The following LGALS9C variants were observed in gnomAD, a reference collection of about 807,000 sequenced individuals.
LGALS9C encodes the protein galectin-9C.
A neutral mutation model predicts 41.3 loss-of-function variants in LGALS9C; 7 were observed. That is an observed-to-expected ratio of 0.17 (90% CI 0.10 to 0.32). The LOEUF is 0.32. Ranked by LOEUF, LGALS9C falls within the 10% of genes least tolerant of loss-of-function variation. LGALS9C has a pLI of 1.00. For missense variants in LGALS9C, 102 were observed against 455.2 expected, an observed-to-expected ratio of 0.22 and a Z score of 7.06; for synonymous variants, 44 against 171.0, an observed-to-expected ratio of 0.26 and a Z score of 5.80.
In LGALS9C at chr17:18,483,946, T is replaced by C; in HGVS notation, c.111T>C (p.Val37=). The C allele has an allele frequency of 1.5e-6, 2 of 1,367,672 alleles. No homozygotes were observed. 84.7% of individuals were successfully genotyped at this position (1,367,672 alleles called of 1,614,324 possible). A position where few individuals can be genotyped will look rare whatever the true frequency, so the allele number is the denominator to read the frequency against. The change falls in exon 2 of 11, where the codon GTT becomes GTC. Residue 37 remains valine, a synonymous_variant. Transcript: ENST00000328114. ...TTCAGATCACTGTCAATGGGGCCGT[T>C]CTCAGCTGCAGTGGAACCAGGTGTG... ...DGFQITVNGA[V]LSCSGTRFAV...
intron 10 of LGALS9C, among the ~76,000 whole-genome samples, chr17:18,493,092 G>A (rs1176764108): frequency 8.2e-6 from 1 of 121,482 alleles, no homozygotes; most frequent in Non-Finnish European, 2.0e-5. Flanking sequence ...ACAAGTGCAG[G>A]TTACTTGCTT....
In LGALS9C at chr17:18,486,129, T is replaced by C; in HGVS notation, c.327T>C (p.Asp109=). ...FDLCFLVQSS[D]FKVMVNGSLF... Reference sequence around the variant, plus strand: ...TCTGCTTCCTGGTGCAGAGCTCAGATTTCAAGGTAAGCAGGAATCCCCTCC... The same window carrying C: ...TCTGCTTCCTGGTGCAGAGCTCAGACTTCAAGGTAAGCAGGAATCCCCTCC... The change falls in exon 3 of 11, where the codon GAT becomes GAC. Residue 109 remains aspartate (D), a synonymous_variant. Transcript: ENST00000328114. 1 of 1,253,086 alleles carries C rather than the reference T, an allele frequency of 8.0e-7. No homozygotes were observed. The allele number at this position is 1,253,086 out of a possible 1,614,324, so 77.6% of individuals were successfully genotyped here. A position where few individuals can be genotyped will look rare whatever the true frequency, so the allele number is the denominator to read the frequency against.
intron 1 of LGALS9C, among the ~76,000 whole-genome samples, chr17:18,483,351 T>G (rs1989464264): frequency 1.5e-5 from 2 of 131,614 alleles, no homozygotes; most frequent in African/African-American, 5.1e-5. Context: ...GGTGCATGCC[T>G]TCTTCTTGAC....
At chr17:18,482,424 G>C (rs1412975740) in intron 1 of LGALS9C, among the ~76,000 whole-genome samples, 2 of 122,678 alleles carry the variant, frequency 1.6e-5, no homozygotes, top group Non-Finnish European at 3.8e-5. Flanking sequence ...TGGGATTATA[G>C]ATGTGAGCCA....
chr17:18,492,826 A>G lies in LGALS9C; in HGVS notation c.891A>G (p.Arg297=). 1 of 1,506,838 alleles carries G rather than the reference A, an allele frequency of 6.6e-7. No homozygotes were observed. Among genetic ancestry groups the G allele is most frequent in the East Asian group, 2.2e-5 (1 of 44,628 alleles). The allele number at this position is 1,506,838 out of a possible 1,614,324, so 93.3% of individuals were successfully genotyped here. A position where few individuals can be genotyped will look rare whatever the true frequency, so the allele number is the denominator to read the frequency against. The change falls in exon 10 of 11, where the codon CGA becomes CGG. Residue 297 remains arginine, a synonymous_variant. Coordinates refer to ENST00000328114, the MANE Select transcript of LGALS9C (RefSeq NM_001040078.3). ...SWGSEERSLP[R]KMPFVRGQSF... ...GGTCTGAGGAGCGAAGTCTGCCCCG[A>G]AAAATGCCCTTCGTCCGAGGCCAGA...
chr17:18,477,199 AGCAT>A (rs1372064208), intron 1 of LGALS9C, among the ~76,000 whole-genome samples: 39 of 131,696 alleles, frequency 3.0e-4, no homozygotes, highest in African/African-American at 9.7e-4. Flanking sequence ...AGAGGAAGCA[AGCAT>A]GCTTCTGGGA....
rs1483130523 is a variant in LGALS9C, at chr17:18,479,442, C to T, written c.39+2549C>T. Among the ~76,000 whole-genome samples, 60 of 129,592 alleles carry T rather than the reference C, an allele frequency of 4.6e-4. 4 individuals carry two copies. The highest frequency in any genetic ancestry group is 1.4e-3 in the African/African-American group (54 of 39,710). 85.0% of individuals were successfully genotyped at this position (129,592 alleles called of 152,430 possible). On this transcript the variant is annotated intron_variant, in intron 1 of 10. Coordinates refer to ENST00000328114, the MANE Select transcript of LGALS9C (RefSeq NM_001040078.3). ...CCACCCAGTCCTCTCCAGAATGCTG[C>T]CAGCCAGGGACTCAGCACACAGCAT...
Position 18,486,050 on chromosome 17 carries a change from G to C in LGALS9C, c.248G>C (p.Gly83Ala), listed in dbSNP as rs78121685. The change falls in exon 3 of 11, where the codon GGG becomes GCG. Residue 83 changes from glycine to alanine, a missense_variant. Transcript: ENST00000328114. ...AACACGAGGCAGAAAGGAACATGGG[G>C]GCCCGAGGAGAGGAAGATGCACATG... ...VCNTRQKGTW[G>A]PEERKMHMPF... is the part of the protein sequence containing the mutation. 376 of 1,279,014 alleles carry C rather than the reference G, an allele frequency of 2.9e-4. 55 individuals are homozygous for C. The East Asian group carries it at 4.9e-3, about 17-fold the overall frequency. The allele number at this position is 1,279,014 out of a possible 1,614,324, so 79.2% of individuals were successfully genotyped here.
intron 2 of LGALS9C, chr17:18,484,208 A>G (rs1809523): frequency 0.13 from 46,290 of 356,912 alleles, 155 homozygotes; most frequent in African/African-American, 0.29. Context: ...GGTCTAAGGA[A>G]GGAGTGGGAT....
chr17:18,494,430 C>G lies in LGALS9C; in HGVS notation c.*63C>G. 1.3e-6 allele frequency: 2 copies of G among 1,527,868 alleles called. 1 individual carries two copies. The highest frequency in any genetic ancestry group is 1.8e-6 in the Non-Finnish European group (2 of 1,114,796). 94.6% of individuals were successfully genotyped at this position (1,527,868 alleles called of 1,614,324 possible). A position where few individuals can be genotyped will look rare whatever the true frequency, so the allele number is the denominator to read the frequency against. Reference sequence around the variant, plus strand: ...GGGCAGTCTGGGTCCTCTCATCATCCCCACTTCCCAGGCCCAGCCTTTCCA... The same window carrying G: ...GGGCAGTCTGGGTCCTCTCATCATCGCCACTTCCCAGGCCCAGCCTTTCCA... On this transcript the variant is annotated 3_prime_UTR_variant, in exon 11 of 11. Coordinates refer to ENST00000328114, the MANE Select transcript of LGALS9C (RefSeq NM_001040078.3).
chr17:18,483,379 T>A (rs1989465044), intron 1 of LGALS9C, among the ~76,000 whole-genome samples: 1 of 124,718 alleles, frequency 8.0e-6, no homozygotes, highest in Non-Finnish European at 1.9e-5. Context: ...GGTGACCCTC[T>A]CGGTGGAACC....
intron 1 of LGALS9C, among the ~76,000 whole-genome samples, chr17:18,482,497 GAA>G (rs899294372): frequency 9.9e-6 from 1 of 101,164 alleles, no homozygotes; most frequent in Admixed American, 1.0e-4. Context: ...CAAGAAATTA[GAA>G]AGTTTTACAA....
At chr17:18,480,174 A>G (rs1598140124) in intron 1 of LGALS9C, among the ~76,000 whole-genome samples, 1 of 121,370 alleles carries the variant, frequency 8.2e-6, no homozygotes, top group South Asian at 2.5e-4. Flanking sequence ...ATGCCACTGC[A>G]CTCCAGCCTG....
chr17:18,484,791 G>A (rs1460323082), intron 2 of LGALS9C, among the ~76,000 whole-genome samples: 3 of 150,872 alleles, frequency 2.0e-5, no homozygotes, highest in Non-Finnish European at 4.5e-5. Flanking sequence ...CTAGATTCTT[G>A]ATGACCTCCT....
At chr17:18,482,532 T>C (rs1405494579) in intron 1 of LGALS9C, among the ~76,000 whole-genome samples, 4 of 142,850 alleles carry the variant, frequency 2.8e-5, no homozygotes, top group Admixed American at 2.1e-4. Flanking sequence ...AAAATTCAGG[T>C]TTCTGTCTCA....
At chr17:18,493,144 G>A (rs1318157022) in intron 10 of LGALS9C, among the ~76,000 whole-genome samples, 1 of 121,742 alleles carries the variant, frequency 8.2e-6, no homozygotes, top group Admixed American at 8.0e-5. Flanking sequence ...ACCCAAGAAG[G>A]AGGTGTTATT....
Position 18,494,905 on chromosome 17 carries a change from T to C in LGALS9C, c.*538T>C, listed in dbSNP as rs1373665240. 7.4e-6 allele frequency: 1 copy of C among 135,704 alleles called. No homozygotes were observed. Among genetic ancestry groups the C allele is most frequent in the South Asian group, 2.2e-4 (1 of 4,588 alleles). 8.4% of individuals were successfully genotyped at this position (135,704 alleles called of 1,614,324 possible). A position where few individuals can be genotyped will look rare whatever the true frequency, so the allele number is the denominator to read the frequency against. On this transcript the variant is annotated 3_prime_UTR_variant, in exon 11 of 11. Coordinates refer to ENST00000328114, the MANE Select transcript of LGALS9C (RefSeq NM_001040078.3). ...CAGGGGACTGGCTCCTTTCCCAGTG[T>C]CCTTAAAATAAAGAAATGAAAATGC...
chr17:18,487,912 TCTC>T (rs1414957322), intron 4 of LGALS9C, among the ~76,000 whole-genome samples, 155 bp downstream of exon 4: 10 of 142,998 alleles, frequency 7.0e-5, no homozygotes, highest in African/African-American at 2.4e-4. Flanking sequence ...GCCCGCCCCT[TCTC>T]CTCTGTCACT....
At chr17:18,492,591 A>T in intron 9 of LGALS9C, 46 bp downstream of exon 9, 3 of 1,588,654 alleles carry the variant, frequency 1.9e-6, no homozygotes, top group Non-Finnish European at 2.6e-6. Context: ...GAGCCCTTCA[A>T]GGTCATTCCA....
Sources: allele counts gnomAD v4.1 joint callset (sites outside exome capture counted in the v4.1 genomes callset), GRCh38; gene constraint gnomAD v4.1.1; transcripts MANE v1.5; gene names NCBI Gene and HGNC (gene_info 2026-07-23, HGNC 2026-07-21).